The following CORO2B variants were observed in gnomAD, a reference collection of about 807,000 sequenced individuals.
The protein encoded by CORO2B is coronin-2B.
Under a neutral mutation model 58.8 loss-of-function variants are expected in CORO2B, and 26 were observed. That is an observed-to-expected ratio of 0.44 (90% CI 0.32 to 0.61). CORO2B has a LOEUF of 0.61. Ranked by LOEUF, CORO2B falls within the 20% of genes least tolerant of loss-of-function variation. The probability of loss-of-function intolerance (pLI) is 0.04; values close to 1 mark genes in which losing one functional copy is unlikely to be tolerated. For missense variants in CORO2B, 460 were observed against 645.1 expected, an observed-to-expected ratio of 0.71 and a Z score of 3.11; for synonymous variants, 242 against 253.8, an observed-to-expected ratio of 0.95 and a Z score of 0.44.
At chr15:68,574,503 G>A (rs576390220), upstream of CORO2B, among the ~76,000 whole-genome samples, 2 of 152,242 alleles carry the variant, frequency 1.3e-5, no homozygotes, top group South Asian at 2.1e-4. Context: ...CTCGGTACAG[G>A]GCCTGGGCAG....
Position 68,726,062 on chromosome 15 carries a change from G to C in CORO2B, c.*88G>C. 1 of 1,557,344 alleles carries C rather than the reference G, an allele frequency of 6.4e-7. No homozygotes were observed. The highest frequency in any genetic ancestry group is 1.2e-5 in the South Asian group (1 of 86,670). ...TCCCTTACCAGTGACCCCAGAGACAGAGCCAGGACAGGAGTGGGGGCCAGC... is the reference window on the plus strand; with the variant it reads ...TCCCTTACCAGTGACCCCAGAGACACAGCCAGGACAGGAGTGGGGGCCAGC... On this transcript the variant is annotated 3_prime_UTR_variant, in exon 12 of 12. Transcript: ENST00000261861.
At position 68,676,492 on chromosome 15, in the gene CORO2B, G is replaced by A. The variant is rs139359069; in HGVS notation, c.217-18648G>A. Among the ~76,000 whole-genome samples the A allele has an allele frequency of 1.5e-4, 23 of 152,314 alleles. 1 individual carries two copies. The highest frequency in any genetic ancestry group is 4.3e-4 in the African/African-American group (18 of 41,570). On this transcript the variant is annotated intron_variant, in intron 2 of 11. Coordinates refer to ENST00000261861, the MANE Select transcript of CORO2B (RefSeq NM_006091.5). Reference sequence around the variant, plus strand: ...AGGATAACCACCGCTGCCTAAACCCGTCAAATGCCAGACACCTCCATACAC... The same window carrying A: ...AGGATAACCACCGCTGCCTAAACCCATCAAATGCCAGACACCTCCATACAC...
chr15:68,562,225 G>A, the CORO2B span, among the ~76,000 whole-genome samples: 5 of 152,298 alleles, frequency 3.3e-5, no homozygotes, highest in Admixed American at 6.5e-5. Flanking sequence ...ACTATGGGGT[G>A]CAGGTGGGAA....
the CORO2B span, among the ~76,000 whole-genome samples, chr15:68,542,004 C>T: frequency 6.6e-6 from 1 of 152,206 alleles, no homozygotes; most frequent in Non-Finnish European, 1.5e-5. Context: ...GAAACTCTCT[C>T]AAGGCAGCAA....
the CORO2B span, among the ~76,000 whole-genome samples, chr15:68,541,813 T>C: frequency 6.6e-6 from 1 of 152,220 alleles, no homozygotes; most frequent in African/African-American, 2.4e-5. Flanking sequence ...CTCTGCTAAA[T>C]GCCTGAGGGA....
intron 1 of CORO2B, among the ~76,000 whole-genome samples, chr15:68,613,512 G>A (rs556034798): frequency 6.6e-6 from 1 of 152,164 alleles, no homozygotes; most frequent in Non-Finnish European, 1.5e-5. Context: ...CCTGGTGGCT[G>A]GCAAGGTTCT....
intron 1 of CORO2B, among the ~76,000 whole-genome samples, chr15:68,585,681 G>C (rs1037289453): frequency 3.3e-5 from 5 of 152,204 alleles, no homozygotes; most frequent in African/African-American, 1.2e-4. Context: ...ATTGTCTGTT[G>C]TGTTTGTGGC....
At chr15:68,519,076 C>A in the CORO2B span, among the ~76,000 whole-genome samples, 1 of 152,210 alleles carries the variant, frequency 6.6e-6, no homozygotes, top group Non-Finnish European at 1.5e-5. Context: ...GATGCTCAGT[C>A]CTGCACATGT....
At chr15:68,633,573 G>C (rs1900928132) in intron 1 of CORO2B, among the ~76,000 whole-genome samples, 1 of 151,046 alleles carries the variant, frequency 6.6e-6, no homozygotes, top group South Asian at 2.1e-4. Flanking sequence ...GCACAGGGTG[G>C]ACAGTGCAAA....
At position 68,727,594 on chromosome 15, in the gene CORO2B, G is replaced by T. The variant is rs909700251; in HGVS notation, c.*1620G>T. The T allele has an allele frequency of 1.3e-5, 2 of 152,610 alleles. No homozygotes were observed. Among genetic ancestry groups the T allele is most frequent in the Non-Finnish European group, 2.9e-5 (2 of 68,140 alleles). 9.5% of individuals were successfully genotyped at this position (152,610 alleles called of 1,614,324 possible). Reference sequence around the variant, plus strand: ...ACCCAAGCCCCTCCAGGTGAGCTGGGCCTTTCCTTTATGAACCTCCATCCT... The same window carrying T: ...ACCCAAGCCCCTCCAGGTGAGCTGGTCCTTTCCTTTATGAACCTCCATCCT... On this transcript the variant is annotated 3_prime_UTR_variant, in exon 12 of 12. Transcript: ENST00000261861.
At chr15:68,544,083 G>T in the CORO2B span, among the ~76,000 whole-genome samples, 2 of 152,168 alleles carry the variant, frequency 1.3e-5, no homozygotes. Flanking sequence ...GCCCACTCAT[G>T]CCTTCCTTCC....
intron 1 of CORO2B, among the ~76,000 whole-genome samples, chr15:68,621,306 A>G (rs1351624083): frequency 2.0e-5 from 3 of 152,236 alleles, no homozygotes; most frequent in African/African-American, 7.2e-5. Flanking sequence ...ACACATAAAC[A>G]GTTAGCTGGA....
chr15:68,554,916 C>A, the CORO2B span, among the ~76,000 whole-genome samples: 1 of 152,150 alleles, frequency 6.6e-6, no homozygotes, highest in Non-Finnish European at 1.5e-5. Flanking sequence ...TGAAGTCAGG[C>A]CTGTCTGACT....
At position 68,711,679 on chromosome 15, in the gene CORO2B, T is replaced by C. The variant is rs779807436; in HGVS notation, c.621T>C (p.Ile207=). Reference sequence around the variant, plus strand: ...GCAAGGACAAGAAGCTGCGTGTGATTGAGCCCCGCTCTGGCCGTGTTCTGC... The same window carrying C: ...GCAAGGACAAGAAGCTGCGTGTGATCGAGCCCCGCTCTGGCCGTGTTCTGC... The part of the protein sequence containing the change: ...TTCKDKKLRV[I]EPRSGRVLQE... The change falls in exon 5 of 12, where the codon ATT becomes ATC. Residue 207 remains isoleucine, a synonymous_variant. Transcript: ENST00000261861. 6.2e-7 allele frequency: 1 copy of C among 1,614,112 alleles called. No homozygotes were observed. The highest frequency in any genetic ancestry group is 1.1e-5 in the South Asian group (1 of 91,070).
chr15:68,686,306 G>C (rs985429753), intron 2 of CORO2B, among the ~76,000 whole-genome samples: 4 of 152,090 alleles, frequency 2.6e-5, no homozygotes, highest in African/African-American at 9.7e-5. Flanking sequence ...AAAGTGCTGG[G>C]ATTACAGGAG....
the CORO2B span, among the ~76,000 whole-genome samples, chr15:68,568,375 C>T: frequency 6.6e-6 from 1 of 151,720 alleles, no homozygotes; most frequent in Admixed American, 6.6e-5. Flanking sequence ...AGTGCCTAGA[C>T]ACAAGTGCTG....
At position 68,711,574 on chromosome 15, in the gene CORO2B, G is replaced by A. The variant is rs36077420; in HGVS notation, c.516G>A (p.Pro172=). 51,369 of 1,613,482 alleles carry A rather than the reference G, an allele frequency of 0.032. 966 individuals carry two copies. The highest frequency in any genetic ancestry group is 0.037 in the Non-Finnish European group (43,211 of 1,179,648). The part of the protein sequence containing the change: ...VLIWNLDVGE[P]VKMIDCHTDV... ...TCTGGAACCTGGATGTGGGTGAGCC[G>A]GTGAAGATGATTGACTGCCACACGG... The change falls in exon 5 of 12, where the codon CCG becomes CCA. Residue 172 remains proline (P), a synonymous_variant. Coordinates refer to ENST00000261861, the MANE Select transcript of CORO2B (RefSeq NM_006091.5).
At chr15:68,571,921 C>A in the CORO2B span, among the ~76,000 whole-genome samples, 4 of 152,152 alleles carry the variant, frequency 2.6e-5, no homozygotes, top group African/African-American at 7.2e-5. Context: ...ATGATGTAAC[C>A]GGGGTGGTGG....
intron 1 of CORO2B, among the ~76,000 whole-genome samples, chr15:68,596,093 C>CCTGGG (rs200232977): frequency 0.011 from 1,630 of 152,132 alleles, 32 homozygotes; most frequent in African/African-American, 0.036. Flanking sequence ...GAGTGCTGTT[C>CCTGGG]CTGGGCCCAT....
Sources: allele counts gnomAD v4.1 joint callset (sites outside exome capture counted in the v4.1 genomes callset), GRCh38; gene constraint gnomAD v4.1.1; transcripts MANE v1.5; gene names NCBI Gene and HGNC (gene_info 2026-07-23, HGNC 2026-07-21).